The following LDB2 variants were observed in gnomAD, a reference collection of about 807,000 sequenced individuals.
LDB2 encodes the protein LIM domain-binding protein 2.
Under a neutral mutation model 44.3 loss-of-function variants are expected in LDB2, and 12 were observed. The ratio of observed to expected loss-of-function variants is 0.27; its 90% confidence interval spans 0.17 to 0.44. LDB2 has a LOEUF of 0.44. LDB2 is among the 20% of genes least tolerant of loss of function. LDB2 has a pLI of 1.00. For missense variants in LDB2, 344 were observed against 473.5 expected (o/e 0.73, Z 2.54); for synonymous variants, 164 against 174.8 (o/e 0.94, Z 0.49).
At chr4:16,697,303 A>ACAC (rs1560915542) in intron 2 of LDB2, among the ~76,000 whole-genome samples, 3 of 148,210 alleles carry the variant, frequency 2.0e-5, no homozygotes, top group Non-Finnish European at 3.0e-5. Flanking sequence ...ACACACACAC[A>ACAC]AATTAGCCAG....
intron 1 of LDB2, among the ~76,000 whole-genome samples, chr4:16,834,765 T>G (rs1784627596): frequency 6.6e-6 from 1 of 151,480 alleles, no homozygotes. Flanking sequence ...AGTCGGAGTT[T>G]GCAGTAAGCC....
chr4:16,783,806 A>G (rs922647179), intron 1 of LDB2, among the ~76,000 whole-genome samples: 2 of 152,322 alleles, frequency 1.3e-5, no homozygotes, highest in African/African-American at 2.4e-5. Context: ...TAGTGTTTCT[A>G]AAGGGATTTG....
intron 5 of LDB2, among the ~76,000 whole-genome samples, chr4:16,526,336 T>TC (rs1728227615): frequency 6.6e-6 from 1 of 152,102 alleles, no homozygotes; most frequent in Non-Finnish European, 1.5e-5. Flanking sequence ...TAGGCAGTGC[T>TC]CCCCCGACCC....
At chr4:16,807,302 A>G (rs1778965830) in intron 1 of LDB2, among the ~76,000 whole-genome samples, 1 of 152,240 alleles carries the variant, frequency 6.6e-6, no homozygotes, top group Non-Finnish European at 1.5e-5. Flanking sequence ...AGAATATTTC[A>G]AGAGCCATAT....
At chr4:16,885,704 G>A (rs115963994) in intron 1 of LDB2, among the ~76,000 whole-genome samples, 3,812 of 152,266 alleles carry the variant, frequency 0.025, 67 homozygotes, top group Middle Eastern at 0.041. Context: ...TATGGACCTT[G>A]TGAAAGATTA....
chr4:16,633,090 T>C (rs1440685977), intron 2 of LDB2, among the ~76,000 whole-genome samples: 3 of 152,206 alleles, frequency 2.0e-5, no homozygotes, highest in African/African-American at 7.2e-5. Context: ...ATATACACCA[T>C]GGAATACTAC....
intron 2 of LDB2, among the ~76,000 whole-genome samples, chr4:16,663,433 A>G (rs574065906): frequency 5.4e-4 from 82 of 152,320 alleles, no homozygotes; most frequent in African/African-American, 1.9e-3. Context: ...AACAATCATG[A>G]AAGTTGGCTC....
intron 2 of LDB2, among the ~76,000 whole-genome samples, chr4:16,689,921 T>C (rs1327909568): frequency 1.3e-5 from 2 of 152,198 alleles, no homozygotes; most frequent in Admixed American, 6.5e-5. Context: ...TGAAAATCTA[T>C]TTGCAGAGCT....
chr4:16,804,463 A>G (rs912431728), intron 1 of LDB2, among the ~76,000 whole-genome samples: 1 of 152,214 alleles, frequency 6.6e-6, no homozygotes, highest in Non-Finnish European at 1.5e-5. Context: ...TTTTAATTAT[A>G]AATACATATA....
intron 2 of LDB2, among the ~76,000 whole-genome samples, chr4:16,753,179 T>C (rs1395819170): frequency 6.6e-6 from 1 of 152,238 alleles, no homozygotes; most frequent in Non-Finnish European, 1.5e-5. Flanking sequence ...AGTTATTAAG[T>C]GTGGTGTCAA....
chr4:16,581,991 GGGAAGGAAGGGAAGGAAGGAAGGAA>G (rs754294171), intron 5 of LDB2, among the ~76,000 whole-genome samples: 4,788 of 129,296 alleles, frequency 0.037, 102 homozygotes, highest in Non-Finnish European at 0.05. Flanking sequence ...AGGGAAGGAA[GGGAAGGAAGGGAAGGAAGGAAGGAA>G]GGAAGGAAGG....
intron 1 of LDB2, among the ~76,000 whole-genome samples, chr4:16,891,740 C>G (rs1301998978): frequency 6.6e-6 from 1 of 152,170 alleles, no homozygotes; most frequent in Non-Finnish European, 1.5e-5. Context: ...GCAGTTGAGA[C>G]ACATCTAGCA....
intron 2 of LDB2, among the ~76,000 whole-genome samples, chr4:16,672,855 T>TCCTC (rs1414558424): frequency 1.2e-5 from 1 of 81,274 alleles, no homozygotes; most frequent in South Asian, 4.0e-4. Flanking sequence ...TTCCTTCCTT[T>TCCTC]CCTCCCTCCC....
intron 1 of LDB2, among the ~76,000 whole-genome samples, chr4:16,765,659 G>A (rs948709866): frequency 2.6e-5 from 4 of 152,158 alleles, no homozygotes; most frequent in African/African-American, 9.7e-5. Context: ...AGATGATAAG[G>A]CCCTACCCAC....
intron 2 of LDB2, among the ~76,000 whole-genome samples, chr4:16,758,356 A>T (rs553102582): frequency 6.6e-6 from 1 of 152,282 alleles, no homozygotes; most frequent in South Asian, 2.1e-4. Flanking sequence ...TCATCATTTC[A>T]GTGTTTGTGA....
At chr4:16,827,537 T>G (rs1216364132) in intron 1 of LDB2, among the ~76,000 whole-genome samples, 1 of 152,158 alleles carries the variant, frequency 6.6e-6, no homozygotes, top group Non-Finnish European at 1.5e-5. Flanking sequence ...TTGCAAGGCT[T>G]TCAATTTAGT....
At chr4:16,653,586 A>G (rs1256257044) in intron 2 of LDB2, 1 of 152,262 alleles carries the variant, frequency 6.6e-6, no homozygotes, top group Non-Finnish European at 1.5e-5. Flanking sequence ...CAAAGTGTTT[A>G]AAGCAGGCAA....
intron 2 of LDB2, among the ~76,000 whole-genome samples, chr4:16,709,998 GCCT>G (rs543999041): frequency 5.1e-4 from 78 of 152,238 alleles, no homozygotes; most frequent in African/African-American, 1.8e-3. Flanking sequence ...GGAGCCCTAA[GCCT>G]CTTTTAAATT....
chr4:16,586,540 CACACACACACATAT>C (rs1560554749), intron 4 of LDB2, among the ~76,000 whole-genome samples: 29 of 134,426 alleles, frequency 2.2e-4, no homozygotes, highest in African/African-American at 6.7e-4. Flanking sequence ...CACACACACA[CACACACACACATAT>C]ATATGGAGAG....
Sources: allele counts gnomAD v4.1 joint callset (sites outside exome capture counted in the v4.1 genomes callset), GRCh38; gene constraint gnomAD v4.1.1; transcripts MANE v1.5; gene names NCBI Gene and HGNC (gene_info 2026-07-23, HGNC 2026-07-21).